The following KLHL26 variants were observed in gnomAD, a reference collection of about 807,000 sequenced individuals.
The protein encoded by KLHL26 is kelch-like protein 26.
KLHL26 carries 4 observed loss-of-function variants against 7.1 expected under a neutral mutation model. The ratio of observed to expected loss-of-function variants is 0.56; its 90% CI spans 0.28 to 1.28. KLHL26 has a LOEUF of 1.28. Ranked by LOEUF, KLHL26 falls within the 50% of genes most tolerant of loss-of-function variation. The pLI is 0.11. For missense variants in KLHL26, 896 were observed against 924.6 expected (o/e 0.97, Z 0.40); for synonymous variants, 465 against 414.1 (o/e 1.12, Z -1.49).
Position 18,667,865 on chromosome 19 carries a change from G to A in KLHL26, c.468G>A (p.Leu156=), listed in dbSNP as rs1054670318. The A allele has an allele frequency of 6.2e-7, 1 of 1,612,930 alleles. No homozygotes were observed. The highest frequency in any genetic ancestry group is 8.5e-7 in the Non-Finnish European group (1 of 1,179,996). The change falls in exon 3 of 3, where the codon CTG becomes CTA. Residue 156 remains leucine (L), a synonymous_variant. Transcript: ENST00000300976. ...LPVVELCEEF[L]KAAMSVETCL... is the part of the protein sequence containing the mutation. ...TGGTGGAGCTGTGCGAGGAGTTCCT[G>A]AAGGCGGCCATGAGCGTGGAGACCT...
intron 1 of KLHL26, among the ~76,000 whole-genome samples, chr19:18,659,067 T>C (rs79686354): frequency 0.024 from 3,626 of 152,140 alleles, 150 homozygotes; most frequent in African/African-American, 0.084. Flanking sequence ...TCCCTTTATC[T>C]CTGAATCTGT....
intron 1 of KLHL26, among the ~76,000 whole-genome samples, chr19:18,654,709 C>G (rs2052311785): frequency 6.6e-6 from 1 of 152,050 alleles, no homozygotes; most frequent in Non-Finnish European, 1.5e-5. Flanking sequence ...ACCCATCCAT[C>G]CACTCATCCA....
intron 1 of KLHL26, among the ~76,000 whole-genome samples, chr19:18,658,690 G>T: frequency 1.5e-5 from 2 of 132,048 alleles, no homozygotes; most frequent in African/African-American, 3.0e-5. Context: ...CCTCTTGCTG[G>T]GTCTCTCTTT....
rs746595973 is a variant in KLHL26, at chr19:18,648,278, G to A, written c.83+11141G>A. On this transcript the variant is annotated intron_variant, in intron 1 of 2. Coordinates refer to ENST00000300976, the MANE Select transcript of KLHL26 (RefSeq NM_018316.3). The surrounding 1 kb of genome is among the most constrained non-coding windows in gnomAD (Gnocchi z 4.9). ...CCAGCTGCTCTGGAGGCTGAGGCAC[G>A]AGAGTCGATTGAACCCAGGAGCCGA... Among the ~76,000 whole-genome samples the A allele has an allele frequency of 6.6e-5, 10 of 152,194 alleles. No homozygotes were observed. The highest frequency in any genetic ancestry group is 6.3e-3 in the Middle Eastern group (2 of 316).
At chr19:18,655,828 G>C (rs925665531) in intron 1 of KLHL26, among the ~76,000 whole-genome samples, 6 of 136,986 alleles carry the variant, frequency 4.4e-5, no homozygotes, top group Non-Finnish European at 8.1e-5. Flanking sequence ...TCCGGGATGG[G>C]GGCGCTGTGC....
intron 1 of KLHL26, chr19:18,659,653 T>C (rs537591540): frequency 1.3e-5 from 2 of 151,616 alleles, no homozygotes; most frequent in African/African-American, 4.8e-5. Context: ...GTTCTTGCCT[T>C]TTTTTTTTCT....
Position 18,664,284 on chromosome 19 carries a change from T to C in KLHL26, c.107T>C (p.Leu36Pro). The change falls in exon 2 of 3, where the codon CTC becomes CCC. Residue 36 changes from leucine (L) to proline (P), a missense_variant. Transcript: ENST00000300976. The part of the protein sequence containing the change: ...PNSTADKNGA[L>P]KCTFSAPSHS... ...AGCACGGCCGACAAGAACGGGGCCC[T>C]CAAGTGCACCTTCTCGGCACCCAGC... 2 of 1,605,228 alleles carry C rather than the reference T, an allele frequency of 1.2e-6. No homozygotes were observed. Among genetic ancestry groups the C allele is most frequent in the Non-Finnish European group, 1.7e-6 (2 of 1,177,290 alleles).
In KLHL26 at chr19:18,670,033, G is replaced by GCAGT. The variant is rs2052510121; in HGVS notation, c.*790_*793dup. 1 of 152,262 alleles carries GCAGT rather than the reference G, an allele frequency of 6.6e-6. No individual in the cohort carries two copies. Among genetic ancestry groups the GCAGT allele is most frequent in the African/African-American group, 2.4e-5 (1 of 41,464 alleles). 9.4% of individuals were successfully genotyped at this position (152,262 alleles called of 1,614,324 possible). A position where few individuals can be genotyped will look rare whatever the true frequency, so the allele number is the denominator to read the frequency against. ...CCTCTACATTTGCCCTGTTGGCCAGGCAGTCCCCTTCCCGCAATTGGAGGG... is the reference window on the plus strand; with the variant it reads ...CCTCTACATTTGCCCTGTTGGCCAGGCAGTCAGTCCCCTTCCCGCAATTGGAGGG... On this transcript the variant is annotated 3_prime_UTR_variant, in exon 3 of 3. Coordinates refer to ENST00000300976, the MANE Select transcript of KLHL26 (RefSeq NM_018316.3).
chr19:18,650,593 G>A lies in KLHL26; in HGVS notation c.83+13456G>A, dbSNP rs1600691001. On this transcript the variant is annotated intron_variant, in intron 1 of 2. Transcript: ENST00000300976. The surrounding 1 kb of genome is among the most constrained non-coding windows in gnomAD (Gnocchi z 4.2). ...TCGTGTGAAGCGGGGGGTCAGGAGC[G>A]CACAAATGTTTATACTCCACGTGAG... Among the ~76,000 whole-genome samples, 1 of 152,230 alleles carries A rather than the reference G, an allele frequency of 6.6e-6. No individual in the cohort carries two copies. The highest frequency in any genetic ancestry group is 1.9e-4 in the East Asian group (1 of 5,186).
chr19:18,669,201 G>A lies in KLHL26; in HGVS notation c.1804G>A (p.Ala602Thr). 1.9e-6 allele frequency: 3 copies of A among 1,612,208 alleles called. No individual in the cohort carries two copies. Among genetic ancestry groups the A allele is most frequent in the Non-Finnish European group, 2.5e-6 (3 of 1,179,958 alleles). ...LHFPESFAGI[A>T]CAPVLLPRAG... Reference sequence around the variant, plus strand: ...CTTCCCGGAGTCCTTCGCAGGCATAGCCTGCGCCCCCGTCCTGCTGCCCCG... The same window carrying A: ...CTTCCCGGAGTCCTTCGCAGGCATAACCTGCGCCCCCGTCCTGCTGCCCCG... The change falls in exon 3 of 3, where the codon GCC becomes ACC. Residue 602 changes from alanine (A) to threonine (T), a missense_variant. Physicochemically the swap from Ala to Thr is moderately conservative, Grantham distance 58 (BLOSUM62 0). Coordinates refer to ENST00000300976, the MANE Select transcript of KLHL26 (RefSeq NM_018316.3).
Position 18,649,634 on chromosome 19 carries a change from T to C in KLHL26, c.83+12497T>C, listed in dbSNP as rs746424942. Among the ~76,000 whole-genome samples the C allele has an allele frequency of 3.5e-4, 53 of 152,334 alleles. No homozygotes were observed. The highest frequency in any genetic ancestry group is 4.6e-4 in the Non-Finnish European group (31 of 68,020). The stretch of plus-strand genomic sequence containing the variant: ...CCTGTCCAGCTGTCTGAAGTGGAAG[T>C]GGGGGCCAAGCCCGCTGGGTTCCCG... On this transcript the variant is annotated intron_variant, in intron 1 of 2. Transcript: ENST00000300976. This position sits in a 1 kb window ranked among gnomAD's most constrained non-coding sequence, Gnocchi z 4.0.
In KLHL26 at chr19:18,668,400, G is replaced by T. The variant is rs768680507; in HGVS notation, c.1003G>T (p.Glu335Ter). 2.4e-5 allele frequency: 39 copies of T among 1,606,338 alleles called. No homozygotes were observed. The highest frequency in any genetic ancestry group is 3.3e-5 in the Non-Finnish European group (39 of 1,178,768). ...CAGCAGCAAGGTCTACCAGCTGCCT[G>T]AGCCGGGAGCCCGCCACTTCCGCGA... ...SVSSKVYQLP[E>*]PGARHFRELT... The change falls in exon 3 of 3, where the codon GAG becomes TAG. Residue 335 changes from glutamate to a stop codon, truncating the protein, a stop_gained. Coordinates refer to ENST00000300976, the MANE Select transcript of KLHL26 (RefSeq NM_018316.3). LOFTEE classifies it low-confidence loss of function (END_TRUNC).
intron 1 of KLHL26, among the ~76,000 whole-genome samples, chr19:18,653,955 C>T (rs1187860187): frequency 2.6e-5 from 3 of 114,668 alleles, no homozygotes; most frequent in African/African-American, 1.1e-4. Context: ...GTCCACCCAC[C>T]CACCCATCCA....
chr19:18,641,381 C>T (rs1164960098), intron 1 of KLHL26, among the ~76,000 whole-genome samples: 1 of 135,950 alleles, frequency 7.4e-6, no homozygotes, highest in African/African-American at 2.8e-5. Context: ...TGCAGTGGTG[C>T]GATCCTAGCT....
chr19:18,669,349 C>A lies in KLHL26; in HGVS notation c.*104C>A. 4 of 940,636 alleles carry A rather than the reference C, an allele frequency of 4.3e-6. No individual in the cohort carries two copies. Among genetic ancestry groups the A allele is most frequent in the Admixed American group, 4.3e-5 (2 of 46,218 alleles). 58.3% of individuals were successfully genotyped at this position (940,636 alleles called of 1,614,324 possible). On this transcript the variant is annotated 3_prime_UTR_variant, in exon 3 of 3. Coordinates refer to ENST00000300976, the MANE Select transcript of KLHL26 (RefSeq NM_018316.3). ...ACCCCAGTGCCCCCCTTCGCCCGGG[C>A]TGCCCTTGAGGGGCCTGCTGCGTTG... is the stretch of plus-strand genomic sequence containing the variant.
In KLHL26 at chr19:18,648,118, C is replaced by T. The variant is rs142513616; in HGVS notation, c.83+10981C>T. ...GTGTGGTGGCTCACACCTGTATTCC[C>T]AGCACATTGGGAGGCCAAGGCGGGT... On this transcript the variant is annotated intron_variant, in intron 1 of 2. Transcript: ENST00000300976. This position sits in a 1 kb window ranked among gnomAD's most constrained non-coding sequence, Gnocchi z 4.9. Among the ~76,000 whole-genome samples the T allele has an allele frequency of 6.6e-6, 1 of 152,294 alleles. No homozygotes were observed. Among genetic ancestry groups the T allele is most frequent in the Non-Finnish European group, 1.5e-5 (1 of 68,024 alleles).
At chr19:18,640,555 T>C (rs993410465) in intron 1 of KLHL26, among the ~76,000 whole-genome samples, 102 of 103,802 alleles carry the variant, frequency 9.8e-4, no homozygotes, top group African/African-American at 3.5e-3. Flanking sequence ...GTTTTAATTT[T>C]TTTTTTTTTT....
rs769204821 is a variant in KLHL26 at position 18,668,583 on chromosome 19, C to T, written c.1186C>T (p.Leu396=). 1 of 1,591,556 alleles carries T rather than the reference C, an allele frequency of 6.3e-7. No homozygotes were observed. The highest frequency in any genetic ancestry group is 8.5e-7 in the Non-Finnish European group (1 of 1,174,088). The change falls in exon 3 of 3, where the codon CTG becomes TTG. Residue 396 remains leucine, a synonymous_variant. Coordinates refer to ENST00000300976, the MANE Select transcript of KLHL26 (RefSeq NM_018316.3). ...CCCCCACCTGAATCGCTGGCTGCGC[C>T]TGCAGGCCATGCAGGAAAGCCGCAT... ...YDPHLNRWLR[L]QAMQESRIQF...
intron 1 of KLHL26, 100 bp from the exon 2 acceptor site, chr19:18,664,161 C>A (rs1003624380): frequency 1.8e-4 from 197 of 1,105,038 alleles, no homozygotes; most frequent in Non-Finnish European, 2.4e-4. Context: ...ATACACAGTG[C>A]GGCCTTTTGT....
Sources: gnomAD v4.1 joint callset for allele counts (sites outside exome capture counted in the v4.1 genomes callset) on GRCh38, gnomAD v4.1.1 for gene constraint, Gnocchi (gnomAD v3.1) non-coding constraint, MANE v1.5 for transcripts, NCBI Gene and HGNC (gene_info 2026-07-23, HGNC 2026-07-21) for gene names.